Variants in MAF observed in about 807,000 individuals in gnomAD.
MAF encodes transcription factor Maf.
Under a neutral mutation model 22.0 loss-of-function variants are expected in MAF, and 10 were observed. That is an observed-to-expected ratio of 0.45 (90% confidence interval 0.28 to 0.77). The LOEUF is 0.77. Among genes scored for constraint, MAF ranks in the 30% least tolerant of loss-of-function variants. The probability of loss-of-function intolerance (pLI) is 0.12; values close to 1 mark genes in which losing one functional copy is unlikely to be tolerated. For missense variants in MAF, 544 were observed against 548.4 expected, an observed-to-expected ratio of 0.99 and a Z score of 0.08; for synonymous variants, 337 against 255.8, an observed-to-expected ratio of 1.32 and a Z score of -3.03.
At chr16:79,329,689 G>C in the MAF span, among the ~76,000 whole-genome samples, 1 of 152,186 alleles carries the variant, frequency 6.6e-6, no homozygotes, top group East Asian at 1.9e-4. Flanking sequence ...AGGAATGAGA[G>C]ACATCTGTTC....
the MAF span, among the ~76,000 whole-genome samples, chr16:79,361,659 T>A: frequency 1.3e-5 from 2 of 152,156 alleles, no homozygotes; most frequent in Non-Finnish European, 2.9e-5. Flanking sequence ...TCAAGAGAAA[T>A]TACGTCTGCA....
the MAF span, among the ~76,000 whole-genome samples, chr16:79,573,067 A>AT: frequency 1.3e-5 from 2 of 151,984 alleles, no homozygotes; most frequent in Admixed American, 6.5e-5. Flanking sequence ...ATTCATGTGT[A>AT]TTTTTTTTCC....
chr16:79,456,647 G>T, the MAF span, among the ~76,000 whole-genome samples: 1 of 152,166 alleles, frequency 6.6e-6, no homozygotes, highest in Non-Finnish European at 1.5e-5. Flanking sequence ...TAAGCTAACA[G>T]ATGACAGAAG....
chr16:79,220,274 A>AAAAT, the MAF span, among the ~76,000 whole-genome samples: 20 of 148,292 alleles, frequency 1.3e-4, no homozygotes, highest in Non-Finnish European at 2.7e-4. Flanking sequence ...AAAAAAAAAA[A>AAAAT]GTTAAAGTTA....
intron 1 of MAF, chr16:79,595,465 C>G: frequency 9.4e-7 from 1 of 1,058,250 alleles, no homozygotes; most frequent in Non-Finnish European, 1.1e-6. Flanking sequence ...TCGTGTTTGG[C>G]TGTATTTTCA....
At chr16:79,548,377 A>G in the MAF span, among the ~76,000 whole-genome samples, 1 of 152,192 alleles carries the variant, frequency 6.6e-6, no homozygotes, top group Admixed American at 6.5e-5. Context: ...ATAAAATCCA[A>G]TTGTGTAATG....
chr16:79,572,515 C>G, the MAF span, among the ~76,000 whole-genome samples: 1 of 152,114 alleles, frequency 6.6e-6, no homozygotes, highest in Admixed American at 6.5e-5. Context: ...GAGCTCAGAG[C>G]AAATTCAGGT....
At chr16:79,489,295 A>G in the MAF span, among the ~76,000 whole-genome samples, 9 of 152,042 alleles carry the variant, frequency 5.9e-5, no homozygotes, top group African/African-American at 2.2e-4. Flanking sequence ...TCACACATCC[A>G]TCTATTTATC....
At chr16:79,414,820 A>G in the MAF span, among the ~76,000 whole-genome samples, 1 of 152,204 alleles carries the variant, frequency 6.6e-6, no homozygotes, top group Non-Finnish European at 1.5e-5. Context: ...TTAAAGATGC[A>G]CATGCACGTG....
the MAF span, among the ~76,000 whole-genome samples, chr16:79,523,318 C>T: frequency 5.3e-4 from 81 of 152,322 alleles, no homozygotes; most frequent in Middle Eastern, 6.8e-3. Flanking sequence ...GGATTCTTCT[C>T]CCACTGAAGG....
chr16:79,208,295 C>T, the MAF span, among the ~76,000 whole-genome samples: 31 of 152,186 alleles, frequency 2.0e-4, no homozygotes, highest in East Asian at 5.8e-3. Context: ...TAACTCATTG[C>T]CATTGCTGCG....
chr16:79,335,019 T>C, the MAF span, among the ~76,000 whole-genome samples: 4 of 151,706 alleles, frequency 2.6e-5, no homozygotes, highest in African/African-American at 9.7e-5. Flanking sequence ...ACCCTGTCTC[T>C]ACTAAAAATA....
chr16:79,406,094 C>T, the MAF span, among the ~76,000 whole-genome samples: 28 of 152,322 alleles, frequency 1.8e-4, no homozygotes, highest in Middle Eastern at 3.4e-3. Flanking sequence ...TTTACATTGC[C>T]TCCCAGAGGT....
chr16:79,350,579 T>C, the MAF span, among the ~76,000 whole-genome samples: 1 of 152,148 alleles, frequency 6.6e-6, no homozygotes, highest in Admixed American at 6.5e-5. Context: ...TATGCATCCC[T>C]CCAGGCCCCA....
chr16:79,240,069 G>C, the MAF span, among the ~76,000 whole-genome samples: 6 of 151,892 alleles, frequency 4.0e-5, no homozygotes, highest in Non-Finnish European at 7.4e-5. Context: ...TGCTTGCAAA[G>C]AACATCAAAG....
At chr16:79,304,604 A>G in the MAF span, among the ~76,000 whole-genome samples, 1 of 152,212 alleles carries the variant, frequency 6.6e-6, no homozygotes, top group South Asian at 2.1e-4. Flanking sequence ...AGAGCAAGAA[A>G]AAGAAAGGTG....
At chr16:79,335,964 A>G in the MAF span, among the ~76,000 whole-genome samples, 2 of 152,186 alleles carry the variant, frequency 1.3e-5, no homozygotes, top group African/African-American at 4.8e-5. Context: ...GAGTCCAGCC[A>G]GGTTGAGAGC....
the MAF span, among the ~76,000 whole-genome samples, chr16:79,392,389 AAGG>A: frequency 2.0e-5 from 3 of 149,368 alleles, no homozygotes; most frequent in African/African-American, 7.4e-5. Flanking sequence ...AAGGAAAGGG[AAGG>A]AGGAGAAACA....
chr16:79,267,955 C>G, the MAF span, among the ~76,000 whole-genome samples: 6 of 152,110 alleles, frequency 3.9e-5, no homozygotes, highest in Admixed American at 2.0e-4. Context: ...CACGCCTTTC[C>G]CCTGGTTCTC....
Sources: gnomAD v4.1 joint callset for allele counts (sites outside exome capture counted in the v4.1 genomes callset) on GRCh38, gnomAD v4.1.1 for gene constraint, MANE v1.5 for transcripts, NCBI Gene and HGNC (gene_info 2026-07-23, HGNC 2026-07-21) for gene names.